Variants in ENTREP2 observed in about 807,000 individuals in gnomAD.
ENTREP2 encodes the protein protein ENTREP2.
the ENTREP2 span, among the ~76,000 whole-genome samples, chr15:29,573,555 ACTTC>A: frequency 2.0e-5 from 3 of 151,752 alleles, no homozygotes; most frequent in Non-Finnish European, 4.4e-5. Context: ...TTAAAACGGA[ACTTC>A]CTTATCATGT....
chr15:29,406,105 T>G, the ENTREP2 span, among the ~76,000 whole-genome samples: 1 of 152,186 alleles, frequency 6.6e-6, no homozygotes, highest in Non-Finnish European at 1.5e-5. Context: ...TACCATATAA[T>G]GTGTCATGAT....
chr15:29,359,233 G>C, the ENTREP2 span, among the ~76,000 whole-genome samples: 1 of 152,120 alleles, frequency 6.6e-6, no homozygotes, highest in Non-Finnish European at 1.5e-5. Flanking sequence ...ACACGAAGGA[G>C]TGTTTTCTAA....
chr15:29,641,309 C>A, the ENTREP2 span, among the ~76,000 whole-genome samples: 10 of 151,284 alleles, frequency 6.6e-5, no homozygotes, highest in African/African-American at 9.7e-5. Context: ...TTCTAGCCAG[C>A]GAAATTAGGC....
chr15:29,210,785 A>C, the ENTREP2 span, among the ~76,000 whole-genome samples: 1 of 151,716 alleles, frequency 6.6e-6, no homozygotes, highest in Admixed American at 6.6e-5. Flanking sequence ...CGAGTAATAA[A>C]CTCTTCTTTC....
chr15:29,179,729 C>T, the ENTREP2 span, among the ~76,000 whole-genome samples: 13 of 148,170 alleles, frequency 8.8e-5, no homozygotes, highest in Non-Finnish European at 1.2e-4. Context: ...TACAGGCGCC[C>T]GCCATCACGC....
chr15:29,657,379 C>T, the ENTREP2 span, among the ~76,000 whole-genome samples: 1 of 149,680 alleles, frequency 6.7e-6, no homozygotes, highest in East Asian at 2.0e-4. Flanking sequence ...TTACAAATGG[C>T]ACGGACCCAA....
At chr15:29,174,699 AAACAAAAC>A in the ENTREP2 span, among the ~76,000 whole-genome samples, 7 of 150,154 alleles carry the variant, frequency 4.7e-5, no homozygotes, top group East Asian at 9.8e-4. Context: ...AAACAAAACA[AAACAAAAC>A]AACAAAAAAA....
chr15:29,610,424 C>CCA, the ENTREP2 span: 1 of 150,502 alleles, frequency 6.6e-6, no homozygotes, highest in Non-Finnish European at 1.5e-5. Context: ...TGCGATGCTT[C>CCA]ATTCCTGTTG....
the ENTREP2 span, among the ~76,000 whole-genome samples, chr15:29,276,512 C>T: frequency 3.9e-5 from 6 of 152,306 alleles, no homozygotes; most frequent in East Asian, 1.2e-3. Flanking sequence ...TTCAGAAGTT[C>T]AGTCAGCATC....
the ENTREP2 span, among the ~76,000 whole-genome samples, chr15:29,492,863 G>A: frequency 6.6e-6 from 1 of 151,792 alleles, no homozygotes; most frequent in Non-Finnish European, 1.5e-5. Flanking sequence ...AATTAGCCAG[G>A]CGTGGTGGCG....
chr15:29,316,659 G>T, the ENTREP2 span, among the ~76,000 whole-genome samples: 3 of 152,208 alleles, frequency 2.0e-5, no homozygotes, highest in African/African-American at 7.2e-5. Flanking sequence ...CTATAGCTGA[G>T]TAATGGATGC....
chr15:29,589,832 C>T, the ENTREP2 span, among the ~76,000 whole-genome samples: 1 of 152,232 alleles, frequency 6.6e-6, no homozygotes, highest in Admixed American at 6.5e-5. Flanking sequence ...TAACCTGGGA[C>T]AGGCTGCTCA....
chr15:29,123,663 T>G, the ENTREP2 span: 16 of 1,544,544 alleles, frequency 1.0e-5, no homozygotes, highest in African/African-American at 2.1e-4. Context: ...AAGCTAAAAA[T>G]CAAGGGCAAA....
the ENTREP2 span, among the ~76,000 whole-genome samples, chr15:29,214,765 T>C: frequency 3.0e-3 from 455 of 152,286 alleles, 3 homozygotes; most frequent in African/African-American, 9.4e-3. Context: ...GAAGGTTCCT[T>C]TTGGAGTTGA....
the ENTREP2 span, among the ~76,000 whole-genome samples, chr15:29,281,512 G>C: frequency 2.8e-4 from 43 of 152,270 alleles, 1 homozygote; most frequent in African/African-American, 9.9e-4. Flanking sequence ...CCAGACATCT[G>C]CATGTACTGC....
the ENTREP2 span, among the ~76,000 whole-genome samples, chr15:29,207,455 C>CGGGGGGGGG: frequency 8.1e-6 from 1 of 122,998 alleles, no homozygotes; most frequent in African/African-American, 3.3e-5. Flanking sequence ...GGTTGGGGGG[C>CGGGGGGGGG]GGGGGGGGTG....
the ENTREP2 span, among the ~76,000 whole-genome samples, chr15:29,295,345 C>A: frequency 6.6e-6 from 1 of 152,158 alleles, no homozygotes; most frequent in Non-Finnish European, 1.5e-5. Context: ...CACTTGGTGT[C>A]CCCCACCTGG....
the ENTREP2 span, chr15:29,570,401 G>A: frequency 5.7e-6 from 4 of 698,388 alleles, no homozygotes; most frequent in Non-Finnish European, 7.7e-6. Flanking sequence ...GGCGTTGGCC[G>A]CCGGAACTTG....
At chr15:29,533,198 C>T in the ENTREP2 span, among the ~76,000 whole-genome samples, 1 of 152,224 alleles carries the variant, frequency 6.6e-6, no homozygotes, top group African/African-American at 2.4e-5. Flanking sequence ...GCAGGTCTGA[C>T]GAGGCCTCCA....
Sources: allele counts gnomAD v4.1 joint callset (sites outside exome capture counted in the v4.1 genomes callset), GRCh38; gene constraint gnomAD v4.1.1; transcripts MANE v1.5; gene names NCBI Gene and HGNC (gene_info 2026-07-23, HGNC 2026-07-21).